The following DIS3L2 variants were observed in gnomAD, a reference collection of about 807,000 sequenced individuals.
DIS3L2 encodes the protein DIS3 like 3'-5' exoribonuclease 2, also known as DIS3-like exonuclease 2.
In DIS3L2, 34 loss-of-function variants were observed where a neutral mutation model predicts 97.5. The observed-to-expected ratio is 0.35, with a 90% CI of 0.27 to 0.46. DIS3L2 has a LOEUF of 0.46. Among genes scored for constraint, DIS3L2 ranks in the 20% least tolerant of loss-of-function variants. The probability of loss-of-function intolerance (pLI) is 1.00; values close to 1 mark genes in which losing one functional copy is unlikely to be tolerated. For synonymous variants in DIS3L2, 435 were observed against 445.2 expected (o/e 0.98, Z 0.29); for missense variants, 1,038 against 1,146.0 (o/e 0.91, Z 1.36).
Position 231,973,097 on chromosome 2 carries a change from A to G in DIS3L2, c.-94+11332A>G, listed in dbSNP as rs144898066. ...CTGGAACAGTTTGCATAGAACTGGT[A>G]TAGTTTCCTTAAATGTTCAGTGGAA... On this transcript the variant is annotated intron_variant, in intron 1 of 20. Coordinates refer to ENST00000325385, the MANE Select transcript of DIS3L2 (RefSeq NM_152383.5). 3.1e-3 allele frequency among the ~76,000 whole-genome samples: 476 copies of G among 152,366 alleles called. 2 individuals carry two copies. The highest frequency in any genetic ancestry group is 0.024 in the Middle Eastern group (7 of 294).
At chr2:232,343,775 G>A in exon 14 of DIS3L2, 1 of 575,326 alleles carries the variant, frequency 1.7e-6, no homozygotes, top group Non-Finnish European at 3.1e-6. Context: ...CCTTGCAGAG[G>A]TTTGCAGCAG....
intron 13 of DIS3L2, among the ~76,000 whole-genome samples, chr2:232,297,010 T>C (rs1233159756): frequency 6.6e-6 from 1 of 152,164 alleles, no homozygotes; most frequent in East Asian, 1.9e-4. Context: ...CACCACAGCA[T>C]TGTGTGGGGT....
intron 9 of DIS3L2, among the ~76,000 whole-genome samples, chr2:232,205,878 C>T (rs1692014982): frequency 6.6e-6 from 1 of 152,206 alleles, no homozygotes; most frequent in Admixed American, 6.5e-5. Flanking sequence ...CAGATTGTCA[C>T]AAGTAGAGTG....
At chr2:232,230,774 A>C (rs1448540983) in intron 10 of DIS3L2, among the ~76,000 whole-genome samples, 1 of 152,064 alleles carries the variant, frequency 6.6e-6, no homozygotes, top group Non-Finnish European at 1.5e-5. Context: ...TTCCCATTGC[A>C]CTTGAAGTAA....
intron 4 of DIS3L2, among the ~76,000 whole-genome samples, chr2:232,028,279 T>C (rs549290489): frequency 6.6e-6 from 1 of 152,294 alleles, no homozygotes; most frequent in South Asian, 2.1e-4. Context: ...ACAAGACTTC[T>C]GGCATTCAAA....
At chr2:232,013,805 C>T (rs1399522162) in intron 1 of DIS3L2, among the ~76,000 whole-genome samples, 1 of 152,216 alleles carries the variant, frequency 6.6e-6, no homozygotes, top group African/African-American at 2.4e-5. Flanking sequence ...CTTTCTCTCC[C>T]TTCTTTCAAC....
At position 232,329,794 on chromosome 2, in the gene DIS3L2, TCCCA is replaced by T; in HGVS notation, c.1740-11_1740-8del. ...CCCCAAACCCCAGCGGTCCCTCCCA[TCCCA>T]CCCACCCTCTGCAGGCTCGTGGAGG... On this transcript the variant is annotated splice_polypyrimidine_tract_variant and intron_variant, in intron 14 of 20. Transcript: ENST00000325385. 3.1e-5 allele frequency: 5 copies of T among 161,144 alleles called. No homozygotes were observed. The highest frequency in any genetic ancestry group is 5.9e-5 in the Non-Finnish European group (5 of 84,480). 10.0% of individuals were successfully genotyped at this position (161,144 alleles called of 1,614,324 possible). A position where few individuals can be genotyped will look rare whatever the true frequency, so the allele number is the denominator to read the frequency against.
intron 5 of DIS3L2, among the ~76,000 whole-genome samples, chr2:232,075,018 A>G (rs1696143717): frequency 6.6e-6 from 1 of 152,218 alleles, no homozygotes; most frequent in Admixed American, 6.5e-5. Context: ...ATTATTTGCT[A>G]GGCCAACAAA....
intron 14 of DIS3L2, among the ~76,000 whole-genome samples, chr2:232,322,281 G>C (rs1411659707): frequency 6.6e-6 from 1 of 152,206 alleles, no homozygotes; most frequent in East Asian, 1.9e-4. Flanking sequence ...CAAGCCCTTC[G>C]AGCTCACTGA....
chr2:232,331,900 G>A (rs1377815890), intron 16 of DIS3L2: 1 of 152,224 alleles, frequency 6.6e-6, no homozygotes, highest in Non-Finnish European at 1.5e-5. Context: ...GCCCTTGCCC[G>A]GGAATCCGAT....
chr2:232,266,047 C>T (rs1484765245), intron 13 of DIS3L2, among the ~76,000 whole-genome samples: 2 of 152,208 alleles, frequency 1.3e-5, no homozygotes, highest in Admixed American at 6.5e-5. Context: ...TGAAGCACAT[C>T]ACAGGAAAGT....
At chr2:232,205,237 T>TATATATATATATATATATATATAA (rs1553615767) in intron 9 of DIS3L2, among the ~76,000 whole-genome samples, 1 of 141,404 alleles carries the variant, frequency 7.1e-6, no homozygotes, top group African/African-American at 2.6e-5. Context: ...TATATATATA[T>TATATATATATATATATATATATAA]AAAATGCAGT....
intron 4 of DIS3L2, among the ~76,000 whole-genome samples, chr2:232,025,785 G>A (rs1017460987): frequency 6.6e-6 from 1 of 152,188 alleles, no homozygotes. Context: ...CTGTGTTGGA[G>A]ACGGATAAAC....
At chr2:232,273,261 C>T (rs367772662) in intron 13 of DIS3L2, among the ~76,000 whole-genome samples, 3 of 152,106 alleles carry the variant, frequency 2.0e-5, no homozygotes, top group African/African-American at 7.2e-5. Flanking sequence ...CTTTTGCTTC[C>T]CTGTCTCCTT....
At chr2:232,295,740 C>G (rs1694709431) in intron 13 of DIS3L2, among the ~76,000 whole-genome samples, 1 of 152,190 alleles carries the variant, frequency 6.6e-6, no homozygotes, top group African/African-American at 2.4e-5. Context: ...ATTCGTTTTT[C>G]AACCTGTCAC....
chr2:232,215,123 A>G (rs191093353), intron 10 of DIS3L2, among the ~76,000 whole-genome samples: 25 of 152,230 alleles, frequency 1.6e-4, no homozygotes, highest in Non-Finnish European at 3.1e-4. Flanking sequence ...AGAAATAAAC[A>G]TATCCACTTA....
chr2:232,261,850 G>C (rs1169106131), intron 12 of DIS3L2, among the ~76,000 whole-genome samples: 1 of 152,194 alleles, frequency 6.6e-6, no homozygotes. Context: ...GTCTCTAGCA[G>C]TGTAACCTTG....
In DIS3L2 at chr2:232,329,793, A is replaced by G. The variant is rs780678383; in HGVS notation, c.1740-20A>G. On this transcript the variant is annotated intron_variant, in intron 14 of 20. Transcript: ENST00000325385. ...TCCCCAAACCCCAGCGGTCCCTCCC[A>G]TCCCACCCACCCTCTGCAGGCTCGT... 4.6e-5 allele frequency: 7 copies of G among 153,460 alleles called. No individual in the cohort carries two copies. Among genetic ancestry groups the G allele is most frequent in the South Asian group, 4.3e-4 (5 of 11,748 alleles). 9.5% of individuals were successfully genotyped at this position (153,460 alleles called of 1,614,324 possible). A position where few individuals can be genotyped will look rare whatever the true frequency, so the allele number is the denominator to read the frequency against.
chr2:232,061,976 T>C (rs1031912707), intron 5 of DIS3L2, among the ~76,000 whole-genome samples: 1 of 152,216 alleles, frequency 6.6e-6, no homozygotes, highest in Non-Finnish European at 1.5e-5. Context: ...ACAACTTTTC[T>C]TTCTTTGTAA....
Sources: allele counts gnomAD v4.1 joint callset (sites outside exome capture counted in the v4.1 genomes callset), GRCh38; gene constraint gnomAD v4.1.1; transcripts MANE v1.5; gene names NCBI Gene and HGNC (gene_info 2026-07-23, HGNC 2026-07-21).